ANKRD30A: variants seen among roughly 807,000 people sequenced by gnomAD.
ANKRD30A encodes the protein ankyrin repeat domain 30A.
A neutral mutation model predicts 166.3 loss-of-function variants in ANKRD30A; 170 were observed. The observed-to-expected ratio is 1.02, with a 90% CI of 0.90 to 1.16. The LOEUF (loss-of-function observed/expected upper bound fraction) is 1.16. Ranked by LOEUF, ANKRD30A falls within the 50% of genes most tolerant of loss-of-function variation. The probability of loss-of-function intolerance (pLI) is 0.00; values close to 1 mark genes in which losing one functional copy is unlikely to be tolerated. For missense variants in ANKRD30A, 1,630 were observed against 1,518.0 expected (o/e 1.07, Z -1.23); for synonymous variants, 564 against 508.9 (o/e 1.11, Z -1.46).
At chr10:37,209,239 C>T (rs1174732776) in intron 31 of ANKRD30A, among the ~76,000 whole-genome samples, 13 of 152,168 alleles carry the variant, frequency 8.5e-5, no homozygotes, top group African/African-American at 3.1e-4. Context: ...GCTATTTGTG[C>T]ATTGCTATAG....
chr10:37,239,556 G>A, the ANKRD30A span, among the ~76,000 whole-genome samples: 1 of 152,000 alleles, frequency 6.6e-6, no homozygotes. Flanking sequence ...TTAATTTAAG[G>A]AAAAACCTAT....
chr10:37,194,683 G>A lies in ANKRD30A; in HGVS notation c.2614+1425G>A, dbSNP rs139738472. Among the ~76,000 whole-genome samples, 702 of 152,208 alleles carry A rather than the reference G, an allele frequency of 4.6e-3. 8 individuals carry two copies. In the East Asian group the frequency reaches 0.052, roughly 11 times the overall value. The stretch of plus-strand genomic sequence containing the variant: ...TTCAATAAATAGTTGTACACTGTAC[G>A]TATTGTCCTGGAACTTCCTTGTTTG... On this transcript the variant is annotated intron_variant, in intron 27 of 35. Transcript: ENST00000361713.
At position 37,230,951 on chromosome 10, in the gene ANKRD30A, C is replaced by A. The variant is rs74546674; in HGVS notation, c.4186-510C>A. Among the ~76,000 whole-genome samples the A allele has an allele frequency of 9.4e-3, 1,434 of 152,178 alleles. 30 individuals are homozygous for A. Among genetic ancestry groups the A allele is most frequent in the African/African-American group, 0.033 (1,357 of 41,544 alleles). Reference sequence around the variant, plus strand: ...AAGCTGCTTTAGTTCTTTTTGATCTCTCACTCAGCTATCTTTGTCTCCCCT... The same window carrying A: ...AAGCTGCTTTAGTTCTTTTTGATCTATCACTCAGCTATCTTTGTCTCCCCT... On this transcript the variant is annotated intron_variant, in intron 34 of 35. Transcript: ENST00000361713.
chr10:37,192,138 G>C (rs1433120247), intron 25 of ANKRD30A, among the ~76,000 whole-genome samples: 3 of 151,980 alleles, frequency 2.0e-5, no homozygotes, highest in Non-Finnish European at 4.4e-5. Context: ...CTGGGTTCAA[G>C]TGATTCTGGC....
intron 9 of ANKRD30A, 28 bp from the exon 10 acceptor site, chr10:37,149,623 T>C (rs781608245): frequency 1.4e-5 from 22 of 1,607,686 alleles, no homozygotes; most frequent in Middle Eastern, 1.6e-4. Context: ...TTACTTATGA[T>C]TGATGATAAA....
chr10:37,237,995 A>G, the ANKRD30A span, among the ~76,000 whole-genome samples: 2 of 152,228 alleles, frequency 1.3e-5, no homozygotes, highest in Non-Finnish European at 2.9e-5. Flanking sequence ...AACATTGAAA[A>G]GTTTATACTT....
intron 34 of ANKRD30A, among the ~76,000 whole-genome samples, chr10:37,227,729 C>T (rs1382627322): frequency 6.6e-6 from 1 of 151,928 alleles, no homozygotes; most frequent in African/African-American, 2.4e-5. Flanking sequence ...AACCTTTAGT[C>T]TCTCATTGAC....
the ANKRD30A span, among the ~76,000 whole-genome samples, chr10:37,258,120 C>T: frequency 5.4e-4 from 82 of 152,176 alleles, 1 homozygote; most frequent in Middle Eastern, 3.4e-3. Context: ...TATCCCAGAA[C>T]TTAAAGTAAA....
At chr10:37,250,270 A>G in the ANKRD30A span, among the ~76,000 whole-genome samples, 1 of 152,052 alleles carries the variant, frequency 6.6e-6, no homozygotes, top group African/African-American at 2.4e-5. Context: ...TCTCCAAGGA[A>G]GTGATATTGA....
At chr10:37,235,436 G>A (rs1288284382), downstream of ANKRD30A, among the ~76,000 whole-genome samples, 1 of 152,114 alleles carries the variant, frequency 6.6e-6, no homozygotes, top group Non-Finnish European at 1.5e-5. Flanking sequence ...GTTTGAATGT[G>A]CAAACTTATT....
At chr10:37,159,789 G>A (rs1189662810) in intron 15 of ANKRD30A, among the ~76,000 whole-genome samples, 1 of 152,022 alleles carries the variant, frequency 6.6e-6, no homozygotes, top group Non-Finnish European at 1.5e-5. Context: ...CTGCCTCCCG[G>A]GTTCACGCCA....
intron 31 of ANKRD30A, among the ~76,000 whole-genome samples, chr10:37,212,464 A>G (rs1588936676): frequency 6.6e-6 from 1 of 152,128 alleles, no homozygotes; most frequent in Non-Finnish European, 1.5e-5. Flanking sequence ...TTATCGATTC[A>G]ATGCCATCCC....
chr10:37,161,953 A>T (rs1023721214), intron 15 of ANKRD30A, among the ~76,000 whole-genome samples: 3 of 152,186 alleles, frequency 2.0e-5, no homozygotes, highest in African/African-American at 7.2e-5. Context: ...ACAATATAAA[A>T]AAGTTATTTA....
chr10:37,145,070 T>C lies in ANKRD30A; in HGVS notation c.1455+14T>C. ...TGTGATTCTCGGGTATTGTGTATTATTGATGTTATTCTCTAAAAATATTAA... is the reference window on the plus strand; with the variant it reads ...TGTGATTCTCGGGTATTGTGTATTACTGATGTTATTCTCTAAAAATATTAA... On this transcript the variant is annotated intron_variant, in intron 8 of 35. Transcript: ENST00000361713. 6.5e-7 allele frequency: 1 copy of C among 1,550,078 alleles called. No homozygotes were observed.
intron 15 of ANKRD30A, among the ~76,000 whole-genome samples, chr10:37,159,121 A>G (rs1319448395): frequency 1.3e-5 from 2 of 152,212 alleles, no homozygotes; most frequent in African/African-American, 2.4e-5. Flanking sequence ...GTGACTATAA[A>G]GCATTTGGCC....
the ANKRD30A span, chr10:37,262,056 T>A: frequency 6.6e-6 from 1 of 152,416 alleles, no homozygotes; most frequent in African/African-American, 2.4e-5. Flanking sequence ...ATTTGATAGA[T>A]CCTTTAAAGG....
intron 25 of ANKRD30A, among the ~76,000 whole-genome samples, chr10:37,191,503 G>C (rs943314353): frequency 1.3e-5 from 2 of 151,812 alleles, no homozygotes; most frequent in African/African-American, 4.8e-5. Context: ...AGCATTCTAC[G>C]TTCAGCTTTT....
Position 37,130,210 on chromosome 10 carries a change from A to G in ANKRD30A, c.342A>G (p.Leu114=), listed in dbSNP as rs1836297325. 2 of 1,587,990 alleles carry G rather than the reference A, an allele frequency of 1.3e-6. No individual in the cohort carries two copies. The highest frequency in any genetic ancestry group is 1.4e-5 in the African/African-American group (1 of 72,868). Reference sequence around the variant, plus strand: ...TCTTGCTTTAATACTGACAGGCTCTACAATGCCATCAGGAGGCTTGTGCAA... The same window carrying G: ...TCTTGCTTTAATACTGACAGGCTCTGCAATGCCATCAGGAGGCTTGTGCAA... ...GEHRTPLMKA[L]QCHQEACANI... The change falls in exon 3 of 36, where the codon CTA becomes CTG. Residue 114 remains leucine, a synonymous_variant. Transcript: ENST00000361713.
At chr10:37,221,370 CAG>C (rs1402639735) in intron 34 of ANKRD30A, among the ~76,000 whole-genome samples, 1 of 151,128 alleles carries the variant, frequency 6.6e-6, no homozygotes, top group African/African-American at 2.4e-5. Flanking sequence ...TCTCAATAAA[CAG>C]TGTGTGTCTG....
Sources: allele counts gnomAD v4.1 joint callset (sites outside exome capture counted in the v4.1 genomes callset), GRCh38; gene constraint gnomAD v4.1.1; transcripts MANE v1.5; gene names NCBI Gene and HGNC (gene_info 2026-07-23, HGNC 2026-07-21).